The following RYR2 variants were observed in gnomAD, a reference collection of about 807,000 sequenced individuals.
The protein encoded by RYR2 is cardiac muscle ryanodine receptor-calcium release channel.
Under a neutral mutation model 601.1 loss-of-function variants are expected in RYR2, and 227 were observed. That is an observed-to-expected ratio of 0.38 (90% confidence interval 0.34 to 0.42). The LOEUF is 0.42. Ranked by LOEUF, RYR2 falls within the 10% of genes least tolerant of loss-of-function variation. RYR2 has a pLI of 1.00. For synonymous variants in RYR2, 2,223 were observed against 2,175.1 expected (o/e 1.02, Z -0.61); for missense variants, 4,646 against 6,156.5 (o/e 0.75, Z 8.21).
chr1:237,639,562 A>T (rs547962479), intron 46 of RYR2, among the ~76,000 whole-genome samples: 1 of 152,284 alleles, frequency 6.6e-6, no homozygotes, highest in East Asian at 1.9e-4. Context: ...ATGAGATTTT[A>T]TGATTAGAAA....
At chr1:237,460,871 G>T (rs949696033) in intron 16 of RYR2, among the ~76,000 whole-genome samples, 1 of 152,086 alleles carries the variant, frequency 6.6e-6, no homozygotes, top group African/African-American at 2.4e-5. Flanking sequence ...GCTCAGCATC[G>T]CATATTGTTG....
intron 2 of RYR2, among the ~76,000 whole-genome samples, chr1:237,297,491 C>A (rs929107178): frequency 5.3e-5 from 8 of 152,022 alleles, no homozygotes; most frequent in Non-Finnish European, 1.2e-4. Flanking sequence ...TTCAGTACAC[C>A]TTTAGAACTC....
intron 1 of RYR2, among the ~76,000 whole-genome samples, chr1:237,223,403 A>T (rs1191438443): frequency 6.6e-6 from 1 of 152,228 alleles, no homozygotes; most frequent in African/African-American, 2.4e-5. Flanking sequence ...TTTTAATACC[A>T]TCACATTGTA....
At chr1:237,112,787 T>C (rs995960541) in intron 1 of RYR2, among the ~76,000 whole-genome samples, 3 of 152,160 alleles carry the variant, frequency 2.0e-5, no homozygotes, top group Non-Finnish European at 2.9e-5. Flanking sequence ...TGATTCTTCC[T>C]GACTTTTAAA....
At chr1:237,271,875 A>G (rs1221064634) in intron 2 of RYR2, among the ~76,000 whole-genome samples, 1 of 152,212 alleles carries the variant, frequency 6.6e-6, no homozygotes, top group Non-Finnish European at 1.5e-5. Context: ...TCATGCCTGT[A>G]GTCCCAGCAC....
intron 24 of RYR2, among the ~76,000 whole-genome samples, chr1:237,515,851 T>TTCTCCTCCTCCC (rs1392406142): frequency 1.7e-4 from 24 of 144,122 alleles, no homozygotes; most frequent in Admixed American, 1.4e-3. Flanking sequence ...CTCCTCCCTC[T>TTCTCCTCCTCCC]TCTTCTCTTC....
chr1:237,587,927 A>C (rs1674714248), intron 29 of RYR2, among the ~76,000 whole-genome samples: 1 of 152,210 alleles, frequency 6.6e-6, no homozygotes, highest in African/African-American at 2.4e-5. Flanking sequence ...CTATCTTGGT[A>C]GCTCCTAGTT....
intron 84 of RYR2, among the ~76,000 whole-genome samples, chr1:237,764,087 C>T (rs576670239): frequency 6.6e-6 from 1 of 152,300 alleles, no homozygotes; most frequent in Non-Finnish European, 1.5e-5. Context: ...AGCTAAGTCT[C>T]TTCCTAATGA....
intron 3 of RYR2, among the ~76,000 whole-genome samples, chr1:237,338,201 G>C (rs2149600963): frequency 6.6e-6 from 1 of 152,284 alleles, no homozygotes; most frequent in Admixed American, 6.5e-5. Context: ...ATGGAAGTCA[G>C]AACAATCTAG....
At chr1:237,255,990 A>G (rs1447519020) in intron 1 of RYR2, among the ~76,000 whole-genome samples, 3 of 152,060 alleles carry the variant, frequency 2.0e-5, no homozygotes, top group Middle Eastern at 3.2e-3. Flanking sequence ...ATTCCCTGAC[A>G]GTCTTTAGAA....
intron 24 of RYR2, among the ~76,000 whole-genome samples, chr1:237,518,719 A>G (rs2147839100): frequency 6.6e-6 from 1 of 152,352 alleles, no homozygotes; most frequent in South Asian, 2.1e-4. Context: ...CGCAATAAAC[A>G]TGCAAGTGCA....
At chr1:237,251,707 C>A (rs1395575107) in intron 1 of RYR2, among the ~76,000 whole-genome samples, 1 of 152,136 alleles carries the variant, frequency 6.6e-6, no homozygotes, top group Non-Finnish European at 1.5e-5. Context: ...TATCTTCAGC[C>A]ATGACATTTT....
chr1:237,447,081 GTCAA>G (rs886103860), intron 14 of RYR2, among the ~76,000 whole-genome samples: 5 of 152,100 alleles, frequency 3.3e-5, no homozygotes, highest in African/African-American at 1.2e-4. Flanking sequence ...TTTATATTTA[GTCAA>G]CACTGACTTC....
intron 24 of RYR2, among the ~76,000 whole-genome samples, chr1:237,529,703 G>A (rs1435352511): frequency 2.0e-5 from 3 of 150,208 alleles, no homozygotes; most frequent in Non-Finnish European, 4.4e-5. Flanking sequence ...AAGACAAATT[G>A]TCTCAAAATG....
At chr1:237,393,794 G>A (rs1045798418) in intron 10 of RYR2, among the ~76,000 whole-genome samples, 3 of 152,196 alleles carry the variant, frequency 2.0e-5, no homozygotes, top group Non-Finnish European at 4.4e-5. Flanking sequence ...ACTCCTTGCT[G>A]ATTGCAGAGA....
intron 25 of RYR2, among the ~76,000 whole-genome samples, chr1:237,534,942 T>G (rs147638914): frequency 1.3e-5 from 2 of 151,832 alleles, no homozygotes; most frequent in African/African-American, 4.8e-5. Context: ...AATTAATGTA[T>G]TTATTACCTC....
chr1:237,251,432 AG>A (rs1002503775), intron 1 of RYR2, among the ~76,000 whole-genome samples: 3 of 152,170 alleles, frequency 2.0e-5, no homozygotes, highest in African/African-American at 7.2e-5. Flanking sequence ...CTCAACTTCC[AG>A]GTAGCATTCT....
intron 1 of RYR2, among the ~76,000 whole-genome samples, chr1:237,268,383 T>C (rs993417713): frequency 2.0e-5 from 3 of 152,198 alleles, no homozygotes; most frequent in African/African-American, 7.2e-5. Flanking sequence ...ATCTTGCAGA[T>C]TATATAAGCT....
intron 13 of RYR2, among the ~76,000 whole-genome samples, chr1:237,442,016 A>C (rs1320167890): frequency 6.6e-6 from 1 of 152,352 alleles, no homozygotes; most frequent in South Asian, 2.1e-4. Flanking sequence ...GAGTGCTGAA[A>C]CCATAGTAGG....
Sources: gnomAD v4.1 joint callset for allele counts (sites outside exome capture counted in the v4.1 genomes callset) on GRCh38, gnomAD v4.1.1 for gene constraint, MANE v1.5 for transcripts, NCBI Gene and HGNC (gene_info 2026-07-23, HGNC 2026-07-21) for gene names.